Variants in SPRED2 observed in about 807,000 individuals in gnomAD.
SPRED2 encodes the protein sprouty related EVH1 domain containing 2.
Under a neutral mutation model 43.0 loss-of-function variants are expected in SPRED2, and 47 were observed. The observed-to-expected ratio is 1.09, with a 90% CI of 0.87 to 1.40. The LOEUF is 1.40. Among genes scored for constraint, SPRED2 ranks in the 40% most tolerant of loss-of-function variants. The pLI, the probability that SPRED2 is intolerant of heterozygous loss-of-function variation, is 0.00. For synonymous variants in SPRED2, 225 were observed against 225.7 expected, an observed-to-expected ratio of 1.00 and a Z score of 0.03; for missense variants, 561 against 586.4, an observed-to-expected ratio of 0.96 and a Z score of 0.45.
At chr2:65,357,045 T>C (rs1674673023) in intron 1 of SPRED2, among the ~76,000 whole-genome samples, 1 of 152,020 alleles carries the variant, frequency 6.6e-6, no homozygotes, top group Non-Finnish European at 1.5e-5. Context: ...AAGGTGATAA[T>C]TTAACCTATA....
intron 1 of SPRED2, among the ~76,000 whole-genome samples, chr2:65,373,496 A>C (rs2104344393): frequency 6.6e-6 from 1 of 152,374 alleles, no homozygotes; most frequent in Admixed American, 6.5e-5. Context: ...CCTTACAAAC[A>C]AACATTAGTC....
chr2:65,407,103 A>G (rs903391913), intron 1 of SPRED2, among the ~76,000 whole-genome samples: 6 of 151,662 alleles, frequency 4.0e-5, no homozygotes, highest in Non-Finnish European at 7.4e-5. Context: ...AATTTTTTGT[A>G]TTTTTAGTAG....
At chr2:65,381,532 T>A (rs1675374002) in intron 1 of SPRED2, among the ~76,000 whole-genome samples, 1 of 152,224 alleles carries the variant, frequency 6.6e-6, no homozygotes, top group Admixed American at 6.5e-5. Context: ...GCTAGTTAGC[T>A]GCACATAGCA....
At chr2:65,377,807 C>T in intron 1 of SPRED2, 1 of 435,100 alleles carries the variant, frequency 2.3e-6, no homozygotes, top group Non-Finnish European at 4.8e-6. Flanking sequence ...AAAGAGGAGC[C>T]CGGGGGCAGT....
chr2:65,346,965 C>T (rs927956683), intron 1 of SPRED2, among the ~76,000 whole-genome samples: 2 of 152,164 alleles, frequency 1.3e-5, no homozygotes, highest in East Asian at 1.9e-4. Flanking sequence ...AGTGTCTGGG[C>T]CTGTTTCCTT....
chr2:65,311,732 A>T lies in SPRED2; in HGVS notation c.*1769T>A. 1.0e-6 allele frequency: 1 copy of T among 985,406 alleles called. No homozygotes were observed. Among genetic ancestry groups the T allele is most frequent in the Non-Finnish European group, 1.2e-6 (1 of 829,924 alleles). The allele number at this position is 985,406 out of a possible 1,614,324, so 61.0% of individuals were successfully genotyped here. On this transcript the variant is annotated 3_prime_UTR_variant, in exon 6 of 6. Coordinates refer to ENST00000356388, the MANE Select transcript of SPRED2 (RefSeq NM_181784.3). ...AAACCAGTTACTCCAATGAATGAAG[A>T]CGTCTACTAACTGACTCATAAGCAC...
chr2:65,394,273 T>A (rs1675703223), intron 1 of SPRED2, among the ~76,000 whole-genome samples: 1 of 152,254 alleles, frequency 6.6e-6, no homozygotes, highest in South Asian at 2.1e-4. Context: ...AGGAAGATGA[T>A]GCCACAGATG....
Position 65,332,052 on chromosome 2 carries a change from C to T in SPRED2, c.374-1G>A. On this transcript the variant is annotated splice_acceptor_variant, in intron 3 of 5. Coordinates refer to ENST00000356388, the MANE Select transcript of SPRED2 (RefSeq NM_181784.3). LOFTEE classifies it high-confidence loss of function. ...ATGGTGGAAGATGACGTTGTTGAAC[C>T]TAAAAAGACAAAAATGTAATAAAAA... 1.2e-6 allele frequency: 2 copies of T among 1,600,928 alleles called. No homozygotes were observed. Among genetic ancestry groups the T allele is most frequent in the Non-Finnish European group, 1.7e-6 (2 of 1,171,722 alleles).
chr2:65,360,926 G>C (rs1018942660), intron 1 of SPRED2, among the ~76,000 whole-genome samples: 1 of 152,206 alleles, frequency 6.6e-6, no homozygotes, highest in South Asian at 2.1e-4. Context: ...TAGCTTAGGA[G>C]CATTTCTGCA....
At chr2:65,384,127 G>A (rs547189749) in intron 1 of SPRED2, among the ~76,000 whole-genome samples, 12 of 152,002 alleles carry the variant, frequency 7.9e-5, no homozygotes, top group East Asian at 1.9e-4. Context: ...CACCTGCAAC[G>A]GCCGCTCTCG....
chr2:65,402,670 A>G (rs1675933974), intron 1 of SPRED2, among the ~76,000 whole-genome samples: 1 of 152,232 alleles, frequency 6.6e-6, no homozygotes, highest in Admixed American at 6.5e-5. Context: ...AGGAATTCCT[A>G]TCAGAGCTCA....
At chr2:65,376,107 GAAGA>G (rs756532988) in intron 1 of SPRED2, among the ~76,000 whole-genome samples, 3 of 152,156 alleles carry the variant, frequency 2.0e-5, no homozygotes, top group African/African-American at 4.8e-5. Flanking sequence ...CACCTCCTCC[GAAGA>G]AAGAAGACAG....
intron 1 of SPRED2, among the ~76,000 whole-genome samples, chr2:65,381,456 C>A (rs1675372240): frequency 6.6e-6 from 1 of 152,240 alleles, no homozygotes; most frequent in Non-Finnish European, 1.5e-5. Context: ...CTCTAACCTG[C>A]AGTTTCTCTA....
intron 2 of SPRED2, among the ~76,000 whole-genome samples, chr2:65,339,485 G>A (rs1220959500): frequency 6.6e-6 from 1 of 150,962 alleles, no homozygotes; most frequent in Non-Finnish European, 1.5e-5. Context: ...ATGGATTAAG[G>A]GCGGTGCAAG....
chr2:65,323,318 A>T (rs1673491932), intron 4 of SPRED2, among the ~76,000 whole-genome samples: 1 of 152,138 alleles, frequency 6.6e-6, no homozygotes, highest in South Asian at 2.1e-4. Flanking sequence ...TTCTATGGTA[A>T]CTATAAAAAA....
intron 1 of SPRED2, among the ~76,000 whole-genome samples, chr2:65,362,312 C>G (rs898934459): frequency 6.6e-6 from 1 of 152,036 alleles, no homozygotes; most frequent in African/African-American, 2.4e-5. Context: ...CTCTGTCGCC[C>G]AGGCTGGAGT....
chr2:65,343,169 G>A (rs867438955), intron 2 of SPRED2, among the ~76,000 whole-genome samples: 1 of 152,308 alleles, frequency 6.6e-6, no homozygotes, highest in Middle Eastern at 3.4e-3. Flanking sequence ...ATTATACTTA[G>A]TACATGGTAA....
intron 2 of SPRED2, 38 bp from the exon 3 acceptor site, chr2:65,334,811 A>C (rs79697502): frequency 1.2e-6 from 2 of 1,604,158 alleles, no homozygotes. Context: ...TACTAGTGGA[A>C]CAGCCATGAT....
intron 4 of SPRED2, among the ~76,000 whole-genome samples, chr2:65,330,042 T>C (rs767294495): frequency 2.0e-5 from 3 of 152,206 alleles, no homozygotes; most frequent in Non-Finnish European, 1.5e-5. Flanking sequence ...CAAATGCAAC[T>C]GAGAGGTTCA....
Sources: allele counts gnomAD v4.1 joint callset (sites outside exome capture counted in the v4.1 genomes callset), GRCh38; gene constraint gnomAD v4.1.1; transcripts MANE v1.5; gene names NCBI Gene and HGNC (gene_info 2026-07-23, HGNC 2026-07-21).